The following LIMD1 variants were observed in gnomAD, a reference collection of about 807,000 sequenced individuals.
LIMD1 encodes the protein LIM domain containing 1.
Under a neutral mutation model 58.4 loss-of-function variants are expected in LIMD1, and 23 were observed. The ratio of observed to expected loss-of-function variants is 0.39; its 90% CI spans 0.28 to 0.56. The LOEUF is 0.56. Among genes scored for constraint, LIMD1 ranks in the 20% least tolerant of loss-of-function variants. The pLI, the probability that LIMD1 is intolerant of heterozygous loss-of-function variation, is 0.57. For missense variants in LIMD1, 838 were observed against 855.5 expected (o/e 0.98, Z 0.25); for synonymous variants, 334 against 345.5 (o/e 0.97, Z 0.37).
In LIMD1 at chr3:45,676,969, G is replaced by T; in HGVS notation, c.1941G>T (p.Pro647=). The T allele has an allele frequency of 3.1e-6, 5 of 1,614,086 alleles. No individual in the cohort carries two copies. The highest frequency in any genetic ancestry group is 4.2e-6 in the Non-Finnish European group (5 of 1,179,948). Residue 647 remains proline, a synonymous_variant, in exon 8 of 8, where the codon CCG becomes CCT. Transcript: ENST00000273317. The part of the protein sequence containing the change: ...LNDEDGHRCY[P]LEDHLFCHSC... Reference sequence around the variant, plus strand: ...ATGAAGATGGCCACCGCTGTTATCCGCTGGAGGACCACCTGTTCTGTCACT... The same window carrying T: ...ATGAAGATGGCCACCGCTGTTATCCTCTGGAGGACCACCTGTTCTGTCACT...
intron 2 of LIMD1, among the ~76,000 whole-genome samples, chr3:45,648,120 T>C (rs1287726981): frequency 1.3e-5 from 2 of 152,116 alleles, no homozygotes; most frequent in African/African-American, 4.8e-5. Context: ...AGGGACAGGG[T>C]TTAACTGATC....
chr3:45,595,359 T>C lies in LIMD1; in HGVS notation c.480T>C (p.Ser160=), dbSNP rs1701334335. The C allele has an allele frequency of 1.2e-6, 2 of 1,613,612 alleles. No homozygotes were observed. The highest frequency in any genetic ancestry group is 2.7e-5 in the African/African-American group (2 of 74,950). ...AGAGCCTGGCGACTTCTGAGATGTC[T>C]GCTTTCCACCAGCCAGGCCCCTGTG... ...SRESLATSEM[S]AFHQPGPCED... is the part of the protein sequence containing the mutation. The change falls in exon 1 of 8, where the codon TCT becomes TCC. Residue 160 remains serine (S), a synonymous_variant. Coordinates refer to ENST00000273317, the MANE Select transcript of LIMD1 (RefSeq NM_014240.3).
At chr3:45,628,353 C>T (rs1268316077) in intron 1 of LIMD1, among the ~76,000 whole-genome samples, 1 of 151,970 alleles carries the variant, frequency 6.6e-6, no homozygotes. Context: ...AAGATTTGGG[C>T]GTCTCACTAA....
At chr3:45,672,555 T>C in intron 4 of LIMD1, 135 bp from the exon 5 acceptor site, 1 of 956,094 alleles carries the variant, frequency 1.0e-6, no homozygotes, top group Non-Finnish European at 1.6e-6. Context: ...CTTGCTCTTC[T>C]CCTAGGTGAA....
chr3:45,671,722 G>A (rs1252321469), intron 4 of LIMD1, among the ~76,000 whole-genome samples: 2 of 152,134 alleles, frequency 1.3e-5, no homozygotes, highest in Non-Finnish European at 2.9e-5. Context: ...TCTGATTCAA[G>A]AAATCTGGGA....
intron 1 of LIMD1, among the ~76,000 whole-genome samples, chr3:45,629,903 T>TCC (rs1701710383): frequency 6.6e-6 from 1 of 152,200 alleles, no homozygotes; most frequent in African/African-American, 2.4e-5. Flanking sequence ...AGGGAACTTT[T>TCC]CCCATCATAA....
chr3:45,667,579 C>T (rs1575366408), intron 3 of LIMD1, among the ~76,000 whole-genome samples: 1 of 149,598 alleles, frequency 6.7e-6, no homozygotes, highest in Admixed American at 6.7e-5. Flanking sequence ...AAGAGAGCAC[C>T]TCATGTCTTT....
rs984169365 is a variant in LIMD1 at position 45,619,081 on chromosome 3, G to A, written c.1409-17069G>A. 4.6e-5 allele frequency among the ~76,000 whole-genome samples: 7 copies of A among 152,298 alleles called. No homozygotes were observed. The East Asian group carries it at 1.4e-3, about 29-fold the overall frequency. On this transcript the variant is annotated intron_variant, in intron 1 of 7. Transcript: ENST00000273317. Reference sequence around the variant, plus strand: ...CTCTAGAAAAGGACAATGAGGTAATGGTTTTGGAAATCATAAAATGTTTTT... The same window carrying A: ...CTCTAGAAAAGGACAATGAGGTAATAGTTTTGGAAATCATAAAATGTTTTT...
At chr3:45,602,075 TGG>T (rs1701419163) in intron 1 of LIMD1, among the ~76,000 whole-genome samples, 1 of 152,096 alleles carries the variant, frequency 6.6e-6, no homozygotes, top group Non-Finnish European at 1.5e-5. Flanking sequence ...CCCGGGTAGC[TGG>T]GACTGCAGGC....
intron 2 of LIMD1, among the ~76,000 whole-genome samples, chr3:45,642,989 A>G (rs944662726): frequency 2.0e-5 from 3 of 152,240 alleles, no homozygotes; most frequent in Non-Finnish European, 4.4e-5. Context: ...GGACACTCTC[A>G]GGAAGCTGTT....
intron 4 of LIMD1, among the ~76,000 whole-genome samples, chr3:45,669,587 C>T (rs144872144): frequency 6.6e-6 from 1 of 152,112 alleles, no homozygotes; most frequent in Non-Finnish European, 1.5e-5. Context: ...CACTCAAGAC[C>T]CCACTCCCAC....
chr3:45,614,570 A>G (rs1034745357), intron 1 of LIMD1, among the ~76,000 whole-genome samples: 2 of 151,836 alleles, frequency 1.3e-5, no homozygotes, highest in African/African-American at 4.8e-5. Context: ...GAAAAATAAA[A>G]AAATTAGCTG....
chr3:45,658,389 G>A (rs2125666289), intron 2 of LIMD1, among the ~76,000 whole-genome samples: 1 of 152,216 alleles, frequency 6.6e-6, no homozygotes, highest in Non-Finnish European at 1.5e-5. Context: ...GTGGGAACTG[G>A]CAGCAAGAGG....
intron 2 of LIMD1, among the ~76,000 whole-genome samples, chr3:45,660,405 CTTTTTTTTTTTTTTT>C (rs869301368): frequency 1.1e-3 from 90 of 80,022 alleles, no homozygotes; most frequent in African/African-American, 4.0e-3. Context: ...GGTGGGCTGT[CTTTTTTTTTTTTTTT>C]TTTTTTTTTT....
At chr3:45,634,001 A>G (rs1362950335) in intron 1 of LIMD1, among the ~76,000 whole-genome samples, 1 of 152,222 alleles carries the variant, frequency 6.6e-6, no homozygotes, top group African/African-American at 2.4e-5. Context: ...AAAGGATGCC[A>G]GCTGGCTACC....
intron 2 of LIMD1, among the ~76,000 whole-genome samples, chr3:45,653,907 CAA>C (rs35185922): frequency 0.052 from 3,915 of 74,698 alleles, 63 homozygotes; most frequent in African/African-American, 0.078. Flanking sequence ...AAGACTGTCT[CAA>C]AAAAAAAAAA....
At chr3:45,621,315 G>A (rs1368245494) in intron 1 of LIMD1, among the ~76,000 whole-genome samples, 1 of 152,016 alleles carries the variant, frequency 6.6e-6, no homozygotes, top group Non-Finnish European at 1.5e-5. Context: ...CTGCAGCCAT[G>A]AACTCCCAGG....
chr3:45,672,328 G>A (rs1049459215), intron 4 of LIMD1, among the ~76,000 whole-genome samples: 2 of 152,064 alleles, frequency 1.3e-5, no homozygotes, highest in African/African-American at 2.4e-5. Flanking sequence ...CCACTTCTTC[G>A]TGGTGGATTT....
chr3:45,631,947 T>G (rs1342410059), intron 1 of LIMD1, among the ~76,000 whole-genome samples: 3 of 152,144 alleles, frequency 2.0e-5, no homozygotes, highest in African/African-American at 7.2e-5. Context: ...TGCAGGACGG[T>G]CCTCTTCATG....
Sources: gnomAD v4.1 joint callset for allele counts (sites outside exome capture counted in the v4.1 genomes callset) on GRCh38, gnomAD v4.1.1 for gene constraint, MANE v1.5 for transcripts, NCBI Gene and HGNC (gene_info 2026-07-23, HGNC 2026-07-21) for gene names.